The following COQ8A variants were observed in gnomAD, a reference collection of about 807,000 sequenced individuals.
COQ8A encodes atypical kinase COQ8A, mitochondrial.
Under a neutral mutation model 65.0 loss-of-function variants are expected in COQ8A, and 51 were observed. The observed-to-expected ratio is 0.78, with a 90% CI of 0.63 to 0.99. The LOEUF (loss-of-function observed/expected upper bound fraction) is 0.99, where lower values mean the gene tolerates loss of function less well. Ranked by LOEUF, COQ8A falls within the 50% of genes least tolerant of loss-of-function variation. COQ8A has a pLI of 0.00. For missense variants in COQ8A, 940 were observed against 875.0 expected, an observed-to-expected ratio of 1.07 and a Z score of -0.94; for synonymous variants, 371 against 353.2, an observed-to-expected ratio of 1.05 and a Z score of -0.57.
At chr1:226,983,483 G>T in intron 8 of COQ8A, 69 bp from the exon 9 acceptor site, 2 of 1,447,858 alleles carry the variant, frequency 1.4e-6, no homozygotes, top group African/African-American at 1.4e-5. Context: ...TGGGGGTTGG[G>T]GGAGTGCCCC....
chr1:226,979,844 T>C (rs562047904), intron 5 of COQ8A, among the ~76,000 whole-genome samples: 5 of 152,212 alleles, frequency 3.3e-5, no homozygotes, highest in Non-Finnish European at 5.9e-5. Context: ...TGACACTCTC[T>C]GGGAAATGAA....
intron 7 of COQ8A, 43 bp from the exon 8 acceptor site, chr1:226,982,846 GGCCCA>G: frequency 6.2e-7 from 1 of 1,612,546 alleles, no homozygotes; most frequent in Non-Finnish European, 8.5e-7. Context: ...TTCTCCCGGT[GGCCCA>G]GGCAGGGCAT....
At chr1:226,950,233 A>G (rs1211899446) in intron 1 of COQ8A, among the ~76,000 whole-genome samples, 1 of 152,174 alleles carries the variant, frequency 6.6e-6, no homozygotes, top group African/African-American at 2.4e-5. Flanking sequence ...GACTATCATC[A>G]GAGGCTGGAA....
intron 2 of COQ8A, among the ~76,000 whole-genome samples, chr1:226,964,574 G>A (rs912634936): frequency 2.0e-5 from 3 of 152,202 alleles, no homozygotes; most frequent in Non-Finnish European, 2.9e-5. Flanking sequence ...AGGTGGGCCC[G>A]TCGGTGTGCT....
intron 4 of COQ8A, among the ~76,000 whole-genome samples, chr1:226,976,187 A>G (rs1370382985): frequency 6.7e-4 from 8 of 11,878 alleles, no homozygotes; most frequent in East Asian, 3.5e-3. Flanking sequence ...GGGCTGCGGG[A>G]CTGCGGGGCT....
In COQ8A at chr1:226,955,667, G is replaced by A. The variant is rs1657672640; in HGVS notation, c.-9-5710G>A. ...ACTCTCCCTGGTTCCCATTCTCCCT[G>A]GTTCCCGCTCTCCCTGGCTCCCACT... On this transcript the variant is annotated intron_variant, in intron 1 of 14. Transcript: ENST00000366777. Among the ~76,000 whole-genome samples, 2 of 125,346 alleles carry A rather than the reference G, an allele frequency of 1.6e-5. 1 individual carries two copies. Among genetic ancestry groups the A allele is most frequent in the East Asian group, 5.1e-4 (2 of 3,936 alleles). The allele number at this position is 125,346 out of a possible 152,430, so 82.2% of individuals were successfully genotyped here. A position where few individuals can be genotyped will look rare whatever the true frequency, so the allele number is the denominator to read the frequency against.
chr1:226,965,090 T>G lies in COQ8A; in HGVS notation c.268T>G (p.Ser90Ala), dbSNP rs1294639477. 2.5e-6 allele frequency: 4 copies of G among 1,613,958 alleles called. No individual in the cohort carries two copies. In the South Asian group the frequency reaches 4.4e-5, roughly 18 times the overall value. The change falls in exon 3 of 15, where the codon TCC becomes GCC. Residue 90 changes from serine to alanine, a missense_variant. By Grantham distance (99) the Ser-to-Ala change is moderately conservative. Transcript: ENST00000366777. Reference sequence around the variant, plus strand: ...CTCAGTCCCGCATGCAGCCGGAGCCTCCACAGACTTCTCTTCAGCCTCCGC... The same window carrying G: ...CTCAGTCCCGCATGCAGCCGGAGCCGCCACAGACTTCTCTTCAGCCTCCGC... The part of the protein sequence containing the change: ...HFSVPHAAGA[S>A]TDFSSASAPD...
chr1:226,981,934 A>G (rs971741952), intron 5 of COQ8A, 93 bp from the exon 6 acceptor site: 70 of 1,576,508 alleles, frequency 4.4e-5, no homozygotes, highest in Non-Finnish European at 5.7e-5. Flanking sequence ...GAGGAAGGAC[A>G]TTGTCTGAGC....
intron 6 of COQ8A, 42 bp from the exon 7 acceptor site, chr1:226,982,636 T>G (rs1659770922): frequency 1.2e-6 from 2 of 1,603,066 alleles, no homozygotes; most frequent in South Asian, 1.1e-5. Flanking sequence ...GGCGCACACT[T>G]TAATCCCCAG....
At chr1:226,956,332 A>C (rs1287263017) in intron 1 of COQ8A, among the ~76,000 whole-genome samples, 3 of 87,736 alleles carry the variant, frequency 3.4e-5, no homozygotes, top group African/African-American at 1.0e-4. Context: ...TCCCTGGTTC[A>C]CACTCTCCCT....
chr1:226,977,653 T>C, intron 5 of COQ8A, 130 bp downstream of exon 5: 1 of 1,006,428 alleles, frequency 9.9e-7, no homozygotes, highest in African/African-American at 1.6e-5. Flanking sequence ...TCCACGTAAG[T>C]GGCGTCCCTG....
chr1:226,948,839 G>A (rs138234163), intron 1 of COQ8A, among the ~76,000 whole-genome samples: 2,078 of 152,322 alleles, frequency 0.014, 28 homozygotes, highest in Non-Finnish European at 0.021. Flanking sequence ...GCTGTCAGGA[G>A]AACGTAAATA....
rs1660134102 is a variant in COQ8A at position 226,986,603 on chromosome 1, G to A, written c.1810G>A (p.Glu604Lys). 7 of 1,613,148 alleles carry A rather than the reference G, an allele frequency of 4.3e-6. No individual in the cohort carries two copies. Among genetic ancestry groups the A allele is most frequent in the African/African-American group, 1.3e-5 (1 of 74,592 alleles). Reference protein sequence around the residue: ...MLRHRLVPPPEETYSLHRKMG... With the variant: ...MLRHRLVPPPKETYSLHRKMG... Reference sequence around the variant, plus strand: ...GAGGCACCGTCTCGTCCCCCCACCCGAGGAAACCTACTCCCTGCACAGGAA... The same window carrying A: ...GAGGCACCGTCTCGTCCCCCCACCCAAGGAAACCTACTCCCTGCACAGGAA... The change falls in exon 15 of 15, where the codon GAG becomes AAG. Residue 604 changes from glutamate to lysine, a missense_variant. Transcript: ENST00000366777.
chr1:226,981,801 C>T (rs945362690), intron 5 of COQ8A, among the ~76,000 whole-genome samples: 7 of 152,186 alleles, frequency 4.6e-5, no homozygotes, highest in African/African-American at 1.7e-4. Flanking sequence ...CACATATGTA[C>T]GTGTGCATGC....
At chr1:226,980,128 A>C (rs567254256) in intron 5 of COQ8A, among the ~76,000 whole-genome samples, 1 of 152,306 alleles carries the variant, frequency 6.6e-6, no homozygotes, top group African/African-American at 2.4e-5. Context: ...CTTCCTGACC[A>C]GGCCCTGGCA....
rs772904808 is a variant in COQ8A at position 226,965,248 on chromosome 1, C to T, written c.426C>T (p.Asn142=). 13 of 1,613,912 alleles carry T rather than the reference C, an allele frequency of 8.1e-6. 1 individual carries two copies. Among genetic ancestry groups the T allele is most frequent in the African/African-American group, 2.7e-5 (2 of 74,956 alleles). ...GQASSPLGRA[N]GRLFANPRDS... is the part of the protein sequence containing the mutation. ...CCTCCTCCCCTCTGGGCAGGGCCAA[C>T]GGGAGGCTCTTTGCAAACCCCAGAG... is the stretch of plus-strand genomic sequence containing the variant. The change falls in exon 3 of 15, where the codon AAC becomes AAT. Residue 142 remains asparagine, a synonymous_variant. Coordinates refer to ENST00000366777, the MANE Select transcript of COQ8A (RefSeq NM_020247.5).
At chr1:226,982,458 G>A (rs540668910) in intron 6 of COQ8A, 67 of 656,414 alleles carry the variant, frequency 1.0e-4, no homozygotes, top group Non-Finnish European at 9.4e-5. Context: ...CATGTTGAGT[G>A]TAAAAAGCCC....
chr1:226,983,099 C>G (rs902160508), intron 8 of COQ8A, 65 bp downstream of exon 8: 18 of 1,532,154 alleles, frequency 1.2e-5, no homozygotes, highest in Non-Finnish European at 1.6e-5. Context: ...TGGGGCCTGG[C>G]TCATGGAGGC....
At chr1:226,962,399 A>G (rs192428555) in intron 2 of COQ8A, among the ~76,000 whole-genome samples, 82 of 152,354 alleles carry the variant, frequency 5.4e-4, no homozygotes, top group Admixed American at 1.2e-3. Flanking sequence ...AGAGGTGACT[A>G]TAGACAGGGC....
Sources: gnomAD v4.1 joint callset for allele counts (sites outside exome capture counted in the v4.1 genomes callset) on GRCh38, gnomAD v4.1.1 for gene constraint, MANE v1.5 for transcripts, NCBI Gene and HGNC (gene_info 2026-07-23, HGNC 2026-07-21) for gene names.